PPP2R2C: variants seen among roughly 807,000 people sequenced by gnomAD.
The protein encoded by PPP2R2C is protein phosphatase 2 regulatory subunit Bgamma.
A neutral mutation model predicts 45.3 loss-of-function variants in PPP2R2C; 10 were observed. That is an observed-to-expected ratio of 0.22 (90% CI 0.14 to 0.37). The LOEUF (loss-of-function observed/expected upper bound fraction) is 0.37. PPP2R2C is among the 10% of genes least tolerant of loss of function. PPP2R2C has a pLI of 1.00. For missense variants in PPP2R2C, 308 were observed against 619.7 expected, an observed-to-expected ratio of 0.50 and a Z score of 5.34; for synonymous variants, 257 against 245.4, an observed-to-expected ratio of 1.05 and a Z score of -0.44.
In PPP2R2C at chr4:6,329,147, C is replaced by A; in HGVS notation, c.1052+115G>T. On this transcript the variant is annotated intron_variant, in intron 8 of 8. Transcript: ENST00000382599. The surrounding 1 kb of genome is among the most constrained non-coding windows in gnomAD (Gnocchi z 5.8). ...CGTGGGCTTCACCCAGACACCTGGA[C>A]CCATTGAGGCTGAGTAGCCCCATGC... 1.1e-6 allele frequency: 1 copy of A among 923,606 alleles called. No homozygotes were observed. The allele number at this position is 923,606 out of a possible 1,614,324, so 57.2% of individuals were successfully genotyped here.
chr4:6,404,375 C>T (rs1199039758), intron 1 of PPP2R2C, among the ~76,000 whole-genome samples: 1 of 152,210 alleles, frequency 6.6e-6, no homozygotes. Context: ...CTTGCAGATA[C>T]TCCTACCCTA....
rs1725645892 is a variant in PPP2R2C at position 6,563,345 on chromosome 4, G to C, written c.-59+215C>G. On this transcript the variant is annotated intron_variant, in intron 1 of 9. Coordinates refer to the PPP2R2C transcript ENST00000506140. This position sits in a 1 kb window ranked among gnomAD's most constrained non-coding sequence, Gnocchi z 5.8. ...GGCACTTCGGACCCTAGCAGAGCCA[G>C]CCCTGCCCCAGGACCGCCCCGGGGT... Among the ~76,000 whole-genome samples, 1 of 152,224 alleles carries C rather than the reference G, an allele frequency of 6.6e-6. No individual in the cohort carries two copies. Among genetic ancestry groups the C allele is most frequent in the South Asian group, 2.1e-4 (1 of 4,828 alleles).
chr4:6,528,187 C>T (rs905668423), intron 2 of PPP2R2C, among the ~76,000 whole-genome samples: 16 of 152,358 alleles, frequency 1.1e-4, no homozygotes, highest in Non-Finnish European at 1.6e-4. Flanking sequence ...GGCCCCTGCC[C>T]GGGCAAACAT....
At position 6,364,998 on chromosome 4, in the gene PPP2R2C, A is replaced by G. The variant is rs958556733; in HGVS notation, c.625+7525T>C. The stretch of plus-strand genomic sequence containing the variant: ...TCACTCAGAAAGTGCCTTTGTGCCA[A>G]TTATGAAAAGACAGCTCTTCCTTGC... On this transcript the variant is annotated intron_variant, in intron 5 of 8. Coordinates refer to ENST00000382599, the MANE Select transcript of PPP2R2C (RefSeq NM_020416.4). The surrounding 1 kb of genome is among the most constrained non-coding windows in gnomAD (Gnocchi z 5.3). Among the ~76,000 whole-genome samples the G allele has an allele frequency of 3.3e-5, 5 of 152,200 alleles. No homozygotes were observed. The highest frequency in any genetic ancestry group is 2.1e-4 in the South Asian group (1 of 4,832).
Position 6,472,431 on chromosome 4 carries a change from G to C in PPP2R2C, c.-202C>G. On this transcript the variant is annotated 5_prime_UTR_variant, in exon 1 of 9. Transcript: ENST00000382599. ...GCCGCGGTCAAGCGAGCGCGCGGTG[G>C]GCGGGCGGCGGCCGCGGGTTCGGGC... 1 of 593,080 alleles carries C rather than the reference G, an allele frequency of 1.7e-6. No individual in the cohort carries two copies. Among genetic ancestry groups the C allele is most frequent in the South Asian group, 7.1e-5 (1 of 13,988 alleles). 36.7% of individuals were successfully genotyped at this position (593,080 alleles called of 1,614,324 possible).
intron 1 of PPP2R2C, among the ~76,000 whole-genome samples, chr4:6,447,125 C>T (rs1167041773): frequency 6.6e-6 from 1 of 152,034 alleles, no homozygotes; most frequent in East Asian, 1.9e-4. Flanking sequence ...CTTGGGGGTC[C>T]CTGGGGAGCT....
chr4:6,442,459 C>T (rs1016999836), intron 1 of PPP2R2C, among the ~76,000 whole-genome samples: 18 of 152,256 alleles, frequency 1.2e-4, no homozygotes, highest in African/African-American at 4.3e-4. Context: ...CAAGCCGTGA[C>T]TGTGGTGGTC....
At chr4:6,541,524 G>A (rs965926366) in intron 1 of PPP2R2C, among the ~76,000 whole-genome samples, 1 of 152,002 alleles carries the variant, frequency 6.6e-6, no homozygotes, top group African/African-American at 2.4e-5. Flanking sequence ...CCAGACCCTC[G>A]CAGGGGATCA....
At chr4:6,511,870 G>A (rs867755054) in intron 2 of PPP2R2C, among the ~76,000 whole-genome samples, 29 of 35,414 alleles carry the variant, frequency 8.2e-4, no homozygotes, top group African/African-American at 2.5e-3. Flanking sequence ...GGTGATGGTG[G>A]TGGTGGTGGT....
At chr4:6,343,857 T>A (rs1028723193) in intron 6 of PPP2R2C, among the ~76,000 whole-genome samples, 3 of 152,252 alleles carry the variant, frequency 2.0e-5, no homozygotes, top group African/African-American at 2.4e-5. Flanking sequence ...GAGAGTTGAA[T>A]AATCTTAAAA....
chr4:6,393,379 G>A (rs1241515956), intron 1 of PPP2R2C, among the ~76,000 whole-genome samples: 1 of 152,166 alleles, frequency 6.6e-6, no homozygotes, highest in Non-Finnish European at 1.5e-5. Flanking sequence ...CTTCCACTTC[G>A]CAGAATGTTT....
chr4:6,423,761 G>A (rs1173280770), intron 1 of PPP2R2C, among the ~76,000 whole-genome samples: 1 of 152,206 alleles, frequency 6.6e-6, no homozygotes. Context: ...CCAGCTTGGT[G>A]TGTTTGAGGA....
At chr4:6,522,364 G>A (rs74810378) in intron 2 of PPP2R2C, among the ~76,000 whole-genome samples, 2,659 of 152,330 alleles carry the variant, frequency 0.017, 77 homozygotes, top group African/African-American at 0.061. Flanking sequence ...AATCCTCACT[G>A]TAGAGGTGGG....
intron 1 of PPP2R2C, among the ~76,000 whole-genome samples, chr4:6,550,996 G>A (rs2108839830): frequency 6.6e-6 from 1 of 152,306 alleles, no homozygotes; most frequent in Admixed American, 6.5e-5. Flanking sequence ...TCCTCCTGGA[G>A]GTCAATTGCC....
chr4:6,465,676 CTT>C (rs1325738290), intron 1 of PPP2R2C, among the ~76,000 whole-genome samples: 1 of 151,896 alleles, frequency 6.6e-6, no homozygotes, highest in Non-Finnish European at 1.5e-5. Context: ...AGCTTAAACT[CTT>C]AGCGTGCATT....
chr4:6,557,347 C>CTT (rs1725436151), intron 1 of PPP2R2C, among the ~76,000 whole-genome samples: 1 of 151,526 alleles, frequency 6.6e-6, no homozygotes, highest in Non-Finnish European at 1.5e-5. Context: ...TCTTACAGAT[C>CTT]TTATAGTCAG....
chr4:6,531,947 T>C lies in PPP2R2C; in HGVS notation c.49+3324A>G, dbSNP rs192129719. ...TTCACATCGGTCTTCCCAGGTCTCA[T>C]CCCCCAAGGCTACACGTGATAGAAC... On this transcript the variant is annotated intron_variant, in intron 2 of 9. Coordinates refer to the PPP2R2C transcript ENST00000506140. Among the ~76,000 whole-genome samples, 337 of 152,244 alleles carry C rather than the reference T, an allele frequency of 2.2e-3. 2 individuals are homozygous for C. The highest frequency in any genetic ancestry group is 7.6e-3 in the African/African-American group (317 of 41,524).
chr4:6,382,819 T>C (rs1216111873), intron 1 of PPP2R2C: 7 of 1,040,034 alleles, frequency 6.7e-6, no homozygotes, highest in African/African-American at 1.7e-5. Flanking sequence ...TCCCTGGCTA[T>C]GACGTAGCCT....
Position 6,332,305 on chromosome 4 carries a change from G to C in PPP2R2C, c.960+1257C>G, listed in dbSNP as rs566819102. On this transcript the variant is annotated intron_variant, in intron 7 of 8. Transcript: ENST00000382599. This position sits in a 1 kb window ranked among gnomAD's most constrained non-coding sequence, Gnocchi z 4.9. The stretch of plus-strand genomic sequence containing the variant: ...GTCCCTCTCCTAGTCTGGGGTCTCT[G>C]CCATTCCCACAGGGACAGAGGAGGG... 2.4e-4 allele frequency among the ~76,000 whole-genome samples: 36 copies of C among 152,324 alleles called. No homozygotes were observed. The highest frequency in any genetic ancestry group is 3.4e-3 in the Middle Eastern group (1 of 294).
Sources: allele counts gnomAD v4.1 joint callset (sites outside exome capture counted in the v4.1 genomes callset), GRCh38; gene constraint gnomAD v4.1.1; non-coding constraint Gnocchi (gnomAD v3.1); transcripts MANE v1.5; gene names NCBI Gene and HGNC (gene_info 2026-07-23, HGNC 2026-07-21).